The following RASGRF1 variants were observed in gnomAD, a reference collection of about 807,000 sequenced individuals.
RASGRF1 encodes the protein ras-specific guanine nucleotide-releasing factor 1.
Under a neutral mutation model 138.7 loss-of-function variants are expected in RASGRF1, and 40 were observed. That is an observed-to-expected ratio of 0.29 (90% CI 0.22 to 0.38). The LOEUF is 0.38. Among genes scored for constraint, RASGRF1 ranks in the 10% least tolerant of loss-of-function variants. The pLI, the probability that RASGRF1 is intolerant of heterozygous loss-of-function variation, is 1.00. For missense variants in RASGRF1, 1,108 were observed against 1,650.4 expected (o/e 0.67, Z 5.69); for synonymous variants, 614 against 663.2 (o/e 0.93, Z 1.14).
chr15:79,065,950 G>C (rs962783978), intron 1 of RASGRF1, among the ~76,000 whole-genome samples: 13 of 151,976 alleles, frequency 8.6e-5, no homozygotes, highest in Admixed American at 7.9e-4. Context: ...GAGAGAGAGA[G>C]AGGAGAGAGA....
At chr15:79,030,203 T>C (rs998114214) in intron 8 of RASGRF1, among the ~76,000 whole-genome samples, 1 of 152,164 alleles carries the variant, frequency 6.6e-6, no homozygotes, top group African/African-American at 2.4e-5. Flanking sequence ...TGTGGCCTGG[T>C]TGGCTGCCCC....
Position 79,049,486 on chromosome 15 carries a change from T to C in RASGRF1, c.624+10A>G. Reference sequence around the variant, plus strand: ...CTCCAAAGAAGGCCACCCAGAGGGATAGCACTGACCTTCTTAATTTTCTTG... The same window carrying C: ...CTCCAAAGAAGGCCACCCAGAGGGACAGCACTGACCTTCTTAATTTTCTTG... On this transcript the variant is annotated intron_variant, in intron 4 of 26. Coordinates refer to ENST00000558480, the MANE Select transcript of RASGRF1 (RefSeq NM_001145648.3). 8.7e-6 allele frequency: 14 copies of C among 1,613,336 alleles called. No individual in the cohort carries two copies. The highest frequency in any genetic ancestry group is 1.0e-5 in the Non-Finnish European group (12 of 1,179,506).
At chr15:79,011,070 T>C (rs1022461388) in intron 13 of RASGRF1, among the ~76,000 whole-genome samples, 1 of 152,082 alleles carries the variant, frequency 6.6e-6, no homozygotes, top group African/African-American at 2.4e-5. Context: ...TTCCCACCTA[T>C]CACCCCTGCA....
At chr15:79,004,826 CAGGAT>C (rs1700762608) in intron 14 of RASGRF1, 1 of 985,366 alleles carries the variant, frequency 1.0e-6, no homozygotes, top group South Asian at 4.7e-5. Context: ...ACGTTGCACA[CAGGAT>C]AGGATTGATC....
At chr15:79,089,682 C>A (rs894649103) in intron 1 of RASGRF1, among the ~76,000 whole-genome samples, 8 of 152,236 alleles carry the variant, frequency 5.3e-5, no homozygotes, top group African/African-American at 1.9e-4. Context: ...GCCCCATAAC[C>A]CCAGCCCAAC....
At chr15:79,005,488 A>G (rs2056649886) in intron 14 of RASGRF1, 1 of 984,944 alleles carries the variant, frequency 1.0e-6, no homozygotes, top group South Asian at 4.7e-5. Context: ...AAAGATAATC[A>G]CCTACCATTC....
At chr15:79,011,224 C>T (rs2056789607) in intron 13 of RASGRF1, among the ~76,000 whole-genome samples, 1 of 152,108 alleles carries the variant, frequency 6.6e-6, no homozygotes, top group Admixed American at 6.5e-5. Context: ...TGATCTGACC[C>T]TTGCCCACCG....
intron 19 of RASGRF1, 91 bp from the exon 20 acceptor site, chr15:78,995,891 A>C (rs975074935): frequency 3.5e-5 from 44 of 1,254,198 alleles, no homozygotes; most frequent in Non-Finnish European, 4.8e-5. Flanking sequence ...CTCTGCTCTT[A>C]CGCCCCTCTG....
rs531939322 is a variant in RASGRF1 at position 79,049,484 on chromosome 15, G to T, written c.624+12C>A. ...AGCTCCAAAGAAGGCCACCCAGAGG[G>T]ATAGCACTGACCTTCTTAATTTTCT... On this transcript the variant is annotated intron_variant, in intron 4 of 26. Transcript: ENST00000558480. 2 of 1,612,902 alleles carry T rather than the reference G, an allele frequency of 1.2e-6. No individual in the cohort carries two copies. Among genetic ancestry groups the T allele is most frequent in the African/African-American group, 2.7e-5 (2 of 74,990 alleles).
chr15:79,006,026 GGA>G lies in RASGRF1; in HGVS notation c.2075+158_2075+159del. 1 of 1,091,504 alleles carries G rather than the reference GGA, an allele frequency of 9.2e-7. No individual in the cohort carries two copies. The highest frequency in any genetic ancestry group is 1.3e-6 in the Non-Finnish European group (1 of 772,954). The allele number at this position is 1,091,504 out of a possible 1,614,324, so 67.6% of individuals were successfully genotyped here. A position where few individuals can be genotyped will look rare whatever the true frequency, so the allele number is the denominator to read the frequency against. On this transcript the variant is annotated intron_variant, in intron 14 of 26. Transcript: ENST00000558480. This position sits in a 1 kb window ranked among gnomAD's most constrained non-coding sequence, Gnocchi z 4.0. ...CTGCAGAGGGAGGCTTGGTTCCTGG[GGA>G]GAGGGGGCAGTGGCGGTGTGTGTCC... is the stretch of plus-strand genomic sequence containing the variant.
chr15:79,028,489 A>G (rs1011724531), intron 8 of RASGRF1, among the ~76,000 whole-genome samples: 1 of 152,096 alleles, frequency 6.6e-6, no homozygotes, highest in Non-Finnish European at 1.5e-5. Flanking sequence ...GGGAGGGAAT[A>G]TAGACAACTC....
At chr15:79,056,445 T>C (rs1195345819) in intron 3 of RASGRF1, among the ~76,000 whole-genome samples, 1 of 152,132 alleles carries the variant, frequency 6.6e-6, no homozygotes, top group African/African-American at 2.4e-5. Flanking sequence ...ATCCCTGAAC[T>C]GAGCTCTGGT....
At chr15:79,085,181 G>A (rs1175667359) in intron 1 of RASGRF1, among the ~76,000 whole-genome samples, 1 of 152,220 alleles carries the variant, frequency 6.6e-6, no homozygotes, top group Non-Finnish European at 1.5e-5. Context: ...GATGACAGAG[G>A]TGACGTTTAG....
At chr15:79,008,541 G>C (rs769029711) in intron 13 of RASGRF1, among the ~76,000 whole-genome samples, 8 of 152,194 alleles carry the variant, frequency 5.3e-5, no homozygotes, top group Non-Finnish European at 7.3e-5. Flanking sequence ...CATGAAGAGG[G>C]AGTAATCCAA....
In RASGRF1 at chr15:79,015,419, G is replaced by C. The variant is rs1377533197; in HGVS notation, c.1744-10C>G. ...GGATGTTATCCACACACTGGAATCA[G>C]AGAGAGGACCCCAGGGTCAGAGCTC... On this transcript the variant is annotated splice_polypyrimidine_tract_variant and intron_variant, in intron 12 of 26. Coordinates refer to ENST00000558480, the MANE Select transcript of RASGRF1 (RefSeq NM_001145648.3). The C allele has an allele frequency of 6.2e-7, 1 of 1,610,398 alleles. No homozygotes were observed. Among genetic ancestry groups the C allele is most frequent in the East Asian group, 2.2e-5 (1 of 44,874 alleles).
intron 3 of RASGRF1, among the ~76,000 whole-genome samples, chr15:79,052,426 C>T (rs1472502110): frequency 6.6e-6 from 1 of 152,214 alleles, no homozygotes; most frequent in East Asian, 1.9e-4. Context: ...TCCCTGCTTC[C>T]CTCTGCCCCC....
Position 79,090,566 on chromosome 15 carries a change from G to T in RASGRF1, c.-68C>A. 6.4e-7 allele frequency: 1 copy of T among 1,561,692 alleles called. No individual in the cohort carries two copies. The highest frequency in any genetic ancestry group is 8.6e-7 in the Non-Finnish European group (1 of 1,156,238). ...CCGCGCAGCAGCCCCCCGTCCGTGCGCGCTGCGCGCTGCCTCTCTCTGGCG... is the reference window on the plus strand; with the variant it reads ...CCGCGCAGCAGCCCCCCGTCCGTGCTCGCTGCGCGCTGCCTCTCTCTGGCG... On this transcript the variant is annotated 5_prime_UTR_variant, in exon 1 of 27. Transcript: ENST00000558480.
chr15:78,975,739 A>G (rs114642690), intron 24 of RASGRF1, among the ~76,000 whole-genome samples: 2,640 of 152,216 alleles, frequency 0.017, 87 homozygotes, highest in African/African-American at 0.06. Flanking sequence ...AGGCTGGTCT[A>G]GAACTCCTAA....
At chr15:79,048,773 G>T (rs2141028901) in intron 4 of RASGRF1, among the ~76,000 whole-genome samples, 1 of 152,342 alleles carries the variant, frequency 6.6e-6, no homozygotes, top group South Asian at 2.1e-4. Flanking sequence ...ATGCCAGTTT[G>T]CAGTTTCTAG....
Sources: allele counts gnomAD v4.1 joint callset (sites outside exome capture counted in the v4.1 genomes callset), GRCh38; gene constraint gnomAD v4.1.1; non-coding constraint Gnocchi (gnomAD v3.1); transcripts MANE v1.5; gene names NCBI Gene and HGNC (gene_info 2026-07-23, HGNC 2026-07-21).